HLCS: variants seen among roughly 807,000 people sequenced by gnomAD.
The protein encoded by HLCS is biotin--protein ligase.
In HLCS, 53 loss-of-function variants were observed where a neutral mutation model predicts 75.0. The observed-to-expected ratio is 0.71, with a 90% CI of 0.57 to 0.89. HLCS has a LOEUF of 0.89. Ranked by LOEUF, HLCS falls within the 40% of genes least tolerant of loss-of-function variation. HLCS has a pLI of 0.00. For missense variants in HLCS, 966 were observed against 1,074.0 expected (o/e 0.90, Z 1.41); for synonymous variants, 431 against 428.6 (o/e 1.01, Z -0.07).
chr21:36,921,622 G>A (rs1226726154), intron 5 of HLCS, among the ~76,000 whole-genome samples: 1 of 152,126 alleles, frequency 6.6e-6, no homozygotes, highest in African/African-American at 2.4e-5. Context: ...TCAGGACCCA[G>A]CGATCTAGCT....
chr21:36,928,348 T>G (rs2066494263), intron 5 of HLCS, among the ~76,000 whole-genome samples: 1 of 152,158 alleles, frequency 6.6e-6, no homozygotes, highest in South Asian at 2.1e-4. Flanking sequence ...GCAGGCAGAT[T>G]GCTTGAACTC....
At chr21:36,854,090 C>G (rs1461574050) in intron 6 of HLCS, among the ~76,000 whole-genome samples, 1 of 152,098 alleles carries the variant, frequency 6.6e-6, no homozygotes, top group Non-Finnish European at 1.5e-5. Flanking sequence ...TAATGGCAGG[C>G]ATCAAATAGG....
At position 36,883,744 on chromosome 21, in the gene HLCS, T is replaced by C. The variant is rs115148285; in HGVS notation, c.1892+13116A>G. Among the ~76,000 whole-genome samples, 1,444 of 152,340 alleles carry C rather than the reference T, an allele frequency of 9.5e-3. 14 individuals are homozygous for C. The highest frequency in any genetic ancestry group is 0.029 in the African/African-American group (1,224 of 41,574). On this transcript the variant is annotated intron_variant, in intron 6 of 10. Transcript: ENST00000674895. ...AACTCTTGGTGGCCACCCCACTCCG[T>C]GTCAGAGACTATGCAATGGGCTTTC... is the stretch of plus-strand genomic sequence containing the variant.
chr21:36,845,775 G>A (rs143538146), intron 6 of HLCS, among the ~76,000 whole-genome samples: 117 of 152,270 alleles, frequency 7.7e-4, no homozygotes, highest in African/African-American at 2.7e-3. Flanking sequence ...AAAAGTCCAA[G>A]TATCACAGGC....
Position 36,966,655 on chromosome 21 carries a change from G to C in HLCS, c.-17C>G. 1 of 976,998 alleles carries C rather than the reference G, an allele frequency of 1.0e-6. No individual in the cohort carries two copies. The highest frequency in any genetic ancestry group is 1.2e-6 in the Non-Finnish European group (1 of 824,840). The allele number at this position is 976,998 out of a possible 1,614,324, so 60.5% of individuals were successfully genotyped here. On this transcript the variant is annotated 5_prime_UTR_variant, in exon 1 of 11. Transcript: ENST00000674895. ...GATGAGCATGGCCGCGCCGCCGGCAGGGCGAGCCCGCCTTGCCCGCCCGCC... is the reference window on the plus strand; with the variant it reads ...GATGAGCATGGCCGCGCCGCCGGCACGGCGAGCCCGCCTTGCCCGCCCGCC...
chr21:36,948,790 A>C (rs1217177569), intron 2 of HLCS, among the ~76,000 whole-genome samples: 1 of 149,718 alleles, frequency 6.7e-6, no homozygotes, highest in Non-Finnish European at 1.5e-5. Context: ...AGGGTATTGG[A>C]AAATCAAGTA....
intron 2 of HLCS, among the ~76,000 whole-genome samples, chr21:36,959,542 G>C (rs1293242311): frequency 6.6e-6 from 1 of 152,200 alleles, no homozygotes; most frequent in East Asian, 1.9e-4. Context: ...CCAAAACCTG[G>C]GGACCTGGCT....
intron 6 of HLCS, among the ~76,000 whole-genome samples, chr21:36,848,637 C>T (rs1318732079): frequency 1.3e-5 from 2 of 152,164 alleles, no homozygotes; most frequent in Non-Finnish European, 1.5e-5. Flanking sequence ...ATTTTTCCTC[C>T]ATTAGTAACC....
At chr21:36,793,284 C>T (rs2060926278) in intron 6 of HLCS, among the ~76,000 whole-genome samples, 1 of 132,278 alleles carries the variant, frequency 7.6e-6, no homozygotes, top group Admixed American at 7.5e-5. Context: ...CACGGGACAG[C>T]AGGAAGCAGT....
In HLCS at chr21:36,756,674, G is replaced by C. The variant is rs2077373557; in HGVS notation, c.2318C>G (p.Ala773Gly). The C allele has an allele frequency of 6.2e-7, 1 of 1,613,974 alleles. No individual in the cohort carries two copies. The highest frequency in any genetic ancestry group is 8.5e-7 in the Non-Finnish European group (1 of 1,180,026). ...ATCGGCTCTTAAGGGCTTCAGTTCT[G>C]CCTTGTGTTGTTTATTGTATTCTGT... ...LITEYNKQHK[A>G]ELKPLRADYL... The change falls in exon 10 of 11, where the codon GCA (alanine) becomes GGA (glycine). Residue 773 changes from alanine (A) to glycine (G), a missense_variant. Ala to Gly is a moderately conservative substitution (Grantham distance 60). Coordinates refer to ENST00000674895, the MANE Select transcript of HLCS (RefSeq NM_001352514.2).
rs189962962 is a variant in HLCS, at chr21:36,841,597, T to C, written c.1892+55263A>G. ...GCTAAGAGCACGGGAGTCAAAATCC[T>C]AGGCTGGGAAACAGTATCATCTTGG... On this transcript the variant is annotated intron_variant, in intron 6 of 10. Coordinates refer to ENST00000674895, the MANE Select transcript of HLCS (RefSeq NM_001352514.2). Among the ~76,000 whole-genome samples the C allele has an allele frequency of 1.2e-3, 181 of 152,350 alleles. 1 individual carries two copies. The highest frequency in any genetic ancestry group is 4.1e-3 in the African/African-American group (169 of 41,584).
rs181386978 is a variant in HLCS, at chr21:36,922,946, A to C, written c.1620+7305T>G. Among the ~76,000 whole-genome samples, 9 of 152,396 alleles carry C rather than the reference A, an allele frequency of 5.9e-5. No homozygotes were observed. In the East Asian group the frequency reaches 1.7e-3, roughly 29 times the overall value. ...CAAGAACTGAAGGAGAACATTTATC[A>C]AATGGGATTCGGGTCTCAGACCCCG... On this transcript the variant is annotated intron_variant, in intron 5 of 10. Transcript: ENST00000674895.
chr21:36,959,066 G>A (rs1460445560), intron 2 of HLCS, among the ~76,000 whole-genome samples: 1 of 152,190 alleles, frequency 6.6e-6, no homozygotes, highest in Non-Finnish European at 1.5e-5. Context: ...CAGGAGCCCA[G>A]TGCTCCCAGG....
chr21:36,863,133 G>C (rs1020814585), intron 6 of HLCS, among the ~76,000 whole-genome samples: 11 of 152,030 alleles, frequency 7.2e-5, no homozygotes, highest in Admixed American at 2.6e-4. Flanking sequence ...ATAAATATGA[G>C]TGCACATTAT....
chr21:36,841,121 T>C (rs2835481), intron 6 of HLCS, among the ~76,000 whole-genome samples: 41,209 of 152,108 alleles, frequency 0.27, 5,792 homozygotes, highest in Middle Eastern at 0.34. Flanking sequence ...AAAAACCTTT[T>C]GGAAGCATTT....
At chr21:36,941,796 G>A (rs750727312) in intron 2 of HLCS, among the ~76,000 whole-genome samples, 3 of 152,198 alleles carry the variant, frequency 2.0e-5, no homozygotes, top group Non-Finnish European at 2.9e-5. Context: ...CCTGAGGTCA[G>A]GAGCTCGAGA....
chr21:36,858,166 C>A (rs1011673254), intron 6 of HLCS, among the ~76,000 whole-genome samples: 6 of 152,164 alleles, frequency 3.9e-5, no homozygotes, highest in African/African-American at 1.4e-4. Context: ...TAAAAAATTT[C>A]TTTCACTGCC....
chr21:36,758,863 C>T lies in HLCS; in HGVS notation c.2236+864G>A, dbSNP rs2089709508. On this transcript the variant is annotated intron_variant, in intron 9 of 10. Transcript: ENST00000674895. ...CTGGGTGTGGTGGCGGGCACCTGTTCTCCCAGCTACTTGGGAGGCTGAGGC... is the reference window on the plus strand; with the variant it reads ...CTGGGTGTGGTGGCGGGCACCTGTTTTCCCAGCTACTTGGGAGGCTGAGGC... 2.0e-5 allele frequency among the ~76,000 whole-genome samples: 3 copies of T among 151,942 alleles called. 1 individual carries two copies. In the South Asian group the frequency reaches 6.2e-4, roughly 32 times the overall value.
At chr21:36,866,899 A>T (rs1414956629) in intron 6 of HLCS, among the ~76,000 whole-genome samples, 1 of 151,406 alleles carries the variant, frequency 6.6e-6, no homozygotes, top group Non-Finnish European at 1.5e-5. Flanking sequence ...ATATTTCTCC[A>T]AAGAACTTTT....
Sources: gnomAD v4.1 joint callset for allele counts (sites outside exome capture counted in the v4.1 genomes callset) on GRCh38, gnomAD v4.1.1 for gene constraint, MANE v1.5 for transcripts, NCBI Gene and HGNC (gene_info 2026-07-23, HGNC 2026-07-21) for gene names.